The following SLC7A1 variants were observed in gnomAD, a reference collection of about 807,000 sequenced individuals.
SLC7A1 encodes the protein solute carrier family 7 member 1.
A neutral mutation model predicts 53.9 loss-of-function variants in SLC7A1; 10 were observed. The ratio of observed to expected loss-of-function variants is 0.19; its 90% CI spans 0.11 to 0.31. The LOEUF is 0.31. Ranked by LOEUF, SLC7A1 falls within the 10% of genes least tolerant of loss-of-function variation. The pLI is 1.00. For synonymous variants in SLC7A1, 342 were observed against 338.7 expected, an observed-to-expected ratio of 1.01 and a Z score of -0.11; for missense variants, 525 against 827.2, an observed-to-expected ratio of 0.63 and a Z score of 4.48.
chr13:29,577,388 G>A (rs537825853), intron 1 of SLC7A1, among the ~76,000 whole-genome samples: 1 of 152,354 alleles, frequency 6.6e-6, no homozygotes, highest in African/African-American at 2.4e-5. Context: ...TCAGCTCCAA[G>A]TACCTCGCTG....
At chr13:29,571,060 G>A (rs1216432365) in intron 1 of SLC7A1, among the ~76,000 whole-genome samples, 2 of 152,170 alleles carry the variant, frequency 1.3e-5, no homozygotes, top group Non-Finnish European at 2.9e-5. Context: ...AACTTATAAA[G>A]TGCTGTGAAG....
rs909185928 is a variant in SLC7A1 at position 29,560,458 on chromosome 13, T to C, written c.-114-6598A>G. 4.0e-5 allele frequency among the ~76,000 whole-genome samples: 6 copies of C among 150,128 alleles called. No homozygotes were observed. In the South Asian group the frequency reaches 1.2e-3, roughly 31 times the overall value. On this transcript the variant is annotated intron_variant, in intron 1 of 12. Coordinates refer to ENST00000380752, the MANE Select transcript of SLC7A1 (RefSeq NM_003045.5). ...TTTACATATATACATAATATATACATACATATATTACATTAATTAATTATA... is the reference window on the plus strand; with the variant it reads ...TTTACATATATACATAATATATACACACATATATTACATTAATTAATTATA...
intron 8 of SLC7A1, among the ~76,000 whole-genome samples, chr13:29,520,808 G>C (rs1868600735): frequency 1.3e-5 from 2 of 152,226 alleles, no homozygotes; most frequent in Non-Finnish European, 2.9e-5. Flanking sequence ...TGGATAATCA[G>C]AACAGCGCCC....
intron 2 of SLC7A1, among the ~76,000 whole-genome samples, chr13:29,540,358 C>T (rs1342835251): frequency 6.6e-6 from 1 of 152,234 alleles, no homozygotes; most frequent in Non-Finnish European, 1.5e-5. Flanking sequence ...TCAAAGAACA[C>T]TTACCTGAGG....
chr13:29,512,874 G>C lies in SLC7A1; in HGVS notation c.*1606C>G, dbSNP rs1426465234. ...TCCAAGAACCTTCTGGGGGCACAGG[G>C]AGGGTACAAGTGCCCTCAATTTATC... On this transcript the variant is annotated 3_prime_UTR_variant, in exon 13 of 13. Transcript: ENST00000380752. 2.0e-5 allele frequency: 3 copies of C among 152,290 alleles called. No homozygotes were observed. The highest frequency in any genetic ancestry group is 6.5e-5 in the Admixed American group (1 of 15,292). The allele number at this position is 152,290 out of a possible 1,614,324, so 9.4% of individuals were successfully genotyped here.
intron 1 of SLC7A1, among the ~76,000 whole-genome samples, chr13:29,571,701 C>T (rs1255689130): frequency 6.6e-6 from 1 of 152,250 alleles, no homozygotes; most frequent in Non-Finnish European, 1.5e-5. Context: ...ACTCTGAACT[C>T]AGGCGGAAAA....
At chr13:29,583,631 C>T (rs534252808) in intron 1 of SLC7A1, among the ~76,000 whole-genome samples, 4 of 152,312 alleles carry the variant, frequency 2.6e-5, no homozygotes, top group African/African-American at 9.6e-5. Context: ...CTCCCCTGGC[C>T]ACTGCCCTAC....
At chr13:29,524,394 T>C (rs1242727163) in intron 5 of SLC7A1, 141 bp from the exon 6 acceptor site, 19 of 1,060,972 alleles carry the variant, frequency 1.8e-5, no homozygotes, top group Non-Finnish European at 2.6e-5. Context: ...CTTCAGACGC[T>C]GAGTCCAGCC....
intron 1 of SLC7A1, among the ~76,000 whole-genome samples, chr13:29,594,971 C>T (rs1051703786): frequency 6.6e-6 from 1 of 151,662 alleles, no homozygotes; most frequent in African/African-American, 2.4e-5. Context: ...GTGCTCTGCA[C>T]CGCGCCATGT....
intron 1 of SLC7A1, among the ~76,000 whole-genome samples, chr13:29,585,402 A>T (rs1452980864): frequency 6.6e-6 from 1 of 152,234 alleles, no homozygotes; most frequent in Non-Finnish European, 1.5e-5. Context: ...TTGTAATGAA[A>T]TAGAAAAGAA....
rs2139122559 is a variant in SLC7A1, at chr13:29,545,293, T to A, written c.-15+8468A>T. The stretch of plus-strand genomic sequence containing the variant: ...CCCGTCTCCTCACAGGTAACCTCTG[T>A]CACAGGCTGCACCCTCTGCCCACCC... On this transcript the variant is annotated intron_variant, in intron 2 of 12. Coordinates refer to ENST00000380752, the MANE Select transcript of SLC7A1 (RefSeq NM_003045.5). Among the ~76,000 whole-genome samples, 3 of 152,284 alleles carry A rather than the reference T, an allele frequency of 2.0e-5. 1 individual carries two copies. The Middle Eastern group carries it at 0.01, about 518-fold the overall frequency.
intron 2 of SLC7A1, among the ~76,000 whole-genome samples, chr13:29,545,770 C>A (rs1203031665): frequency 6.6e-6 from 1 of 152,190 alleles, no homozygotes; most frequent in Non-Finnish European, 1.5e-5. Context: ...ACCACCTACT[C>A]CACTCAGCTC....
chr13:29,520,584 T>C (rs1392453816), intron 8 of SLC7A1, among the ~76,000 whole-genome samples: 1 of 152,226 alleles, frequency 6.6e-6, no homozygotes, highest in Non-Finnish European at 1.5e-5. Flanking sequence ...TCTATTCACA[T>C]GGGTGTGTAT....
Position 29,516,202 on chromosome 13 carries a change from G to A in SLC7A1, c.1722C>T (p.Asn574=), listed in dbSNP as rs753120765. 6.2e-6 allele frequency: 10 copies of A among 1,613,604 alleles called. No homozygotes were observed. Among genetic ancestry groups the A allele is most frequent in the Middle Eastern group, 1.6e-4 (1 of 6,082 alleles). The part of the protein sequence containing the change: ...PVLPILSIFV[N]VYLMMQLDQG... ...GGTCCAGCTGCATCATGAGATAGAC[G>A]TTCACGAAGATGCTCAGGATGGGGA... Residue 574 remains asparagine, a synonymous_variant, in exon 12 of 13, where the codon AAC becomes AAT. Transcript: ENST00000380752.
At chr13:29,577,004 T>G (rs918575971) in intron 1 of SLC7A1, among the ~76,000 whole-genome samples, 5 of 152,206 alleles carry the variant, frequency 3.3e-5, no homozygotes, top group African/African-American at 1.2e-4. Context: ...ACTGGTTGTC[T>G]TTTTTTAATC....
intron 2 of SLC7A1, among the ~76,000 whole-genome samples, chr13:29,537,173 T>A (rs1285262086): frequency 6.6e-6 from 1 of 150,972 alleles, no homozygotes; most frequent in Non-Finnish European, 1.5e-5. Context: ...GATGGAAGGG[T>A]GGGGGTGGGA....
chr13:29,578,946 C>T (rs1254670796), intron 1 of SLC7A1, among the ~76,000 whole-genome samples: 1 of 152,202 alleles, frequency 6.6e-6, no homozygotes, highest in African/African-American at 2.4e-5. Flanking sequence ...TTCTTCATTC[C>T]GCTGGGGAAA....
chr13:29,521,870 G>A (rs1383873778), intron 8 of SLC7A1, among the ~76,000 whole-genome samples: 2 of 152,166 alleles, frequency 1.3e-5, no homozygotes, highest in Non-Finnish European at 2.9e-5. Flanking sequence ...CTGGGGAAGA[G>A]GCGGCACATT....
In SLC7A1 at chr13:29,528,508, G is replaced by A. The variant is rs530394514; in HGVS notation, c.704+2030C>T. On this transcript the variant is annotated intron_variant, in intron 5 of 12. Transcript: ENST00000380752. ...TGGTCTCACGGCCTCCCATGCAAGC[G>A]GAAGCTCCTGCATGTTATATGGATT... Among the ~76,000 whole-genome samples, 227 of 152,248 alleles carry A rather than the reference G, an allele frequency of 1.5e-3. 1 individual carries two copies. Among genetic ancestry groups the A allele is most frequent in the African/African-American group, 5.1e-3 (211 of 41,536 alleles).
Sources: gnomAD v4.1 joint callset for allele counts (sites outside exome capture counted in the v4.1 genomes callset) on GRCh38, gnomAD v4.1.1 for gene constraint, MANE v1.5 for transcripts, NCBI Gene and HGNC (gene_info 2026-07-23, HGNC 2026-07-21) for gene names.